The following FERMT2 variants were observed in gnomAD, a reference collection of about 807,000 sequenced individuals.
FERMT2 encodes the protein FERM domain containing kindlin 2.
A neutral mutation model predicts 82.7 loss-of-function variants in FERMT2; 15 were observed. That is an observed-to-expected ratio of 0.18 (90% confidence interval 0.12 to 0.28). The LOEUF is 0.28. Among genes scored for constraint, FERMT2 ranks in the 10% least tolerant of loss-of-function variants. The pLI is 1.00. For missense variants in FERMT2, 645 were observed against 809.4 expected (o/e 0.80, Z 2.46); for synonymous variants, 274 against 271.5 (o/e 1.01, Z -0.09).
intron 10 of FERMT2, among the ~76,000 whole-genome samples, chr14:52,870,543 C>T (rs1360215704): frequency 6.6e-6 from 1 of 152,192 alleles, no homozygotes; most frequent in African/African-American, 2.4e-5. Flanking sequence ...CCACCGCGCC[C>T]AGCCAAGTTG....
chr14:52,928,878 T>C (rs112410848), intron 2 of FERMT2, among the ~76,000 whole-genome samples: 3 of 152,220 alleles, frequency 2.0e-5, no homozygotes, highest in African/African-American at 7.2e-5. Context: ...TTCCTGTCTA[T>C]CTAAAGCCAA....
chr14:52,924,374 T>C (rs1267466325), intron 2 of FERMT2, among the ~76,000 whole-genome samples: 3 of 152,036 alleles, frequency 2.0e-5, no homozygotes, highest in East Asian at 1.9e-4. Flanking sequence ...TACTGATGCC[T>C]GGCCCCACCC....
chr14:52,920,935 G>A (rs1051311777), intron 2 of FERMT2, among the ~76,000 whole-genome samples: 10 of 150,182 alleles, frequency 6.7e-5, no homozygotes, highest in Admixed American at 2.7e-4. Context: ...GTGACAGAGC[G>A]AGATCCTACC....
At chr14:52,944,482 T>C (rs1470762671) in intron 2 of FERMT2, among the ~76,000 whole-genome samples, 1 of 152,206 alleles carries the variant, frequency 6.6e-6, no homozygotes, top group African/African-American at 2.4e-5. Flanking sequence ...AAGGGAGCTG[T>C]CCAGTTACGT....
At chr14:52,870,667 C>G (rs758121735) in intron 10 of FERMT2, among the ~76,000 whole-genome samples, 1 of 152,174 alleles carries the variant, frequency 6.6e-6, no homozygotes, top group African/African-American at 2.4e-5. Flanking sequence ...TAGGAGCAAT[C>G]GGCTATACCA....
chr14:52,875,234 A>C lies in FERMT2; in HGVS notation c.1087T>G (p.Ser363Ala), dbSNP rs773829108. The C allele has an allele frequency of 1.1e-5, 17 of 1,598,840 alleles. No individual in the cohort carries two copies. The Admixed American group carries it at 3.1e-4, about 29-fold the overall frequency. ...LEITLEGGKT[S>A]TILGDITSIP... Reference sequence around the variant, plus strand: ...AAGATTCACCCTACCAAAATTGTTGACGTTTTACCCCCTTCCAGAGTAATC... The same window carrying C: ...AAGATTCACCCTACCAAAATTGTTGCCGTTTTACCCCCTTCCAGAGTAATC... The change falls in exon 8 of 15, where the codon TCA becomes GCA. Residue 363 changes from serine (S) to alanine (A), a missense_variant. Transcript: ENST00000341590.
chr14:52,902,019 G>A (rs1227233283), intron 3 of FERMT2, among the ~76,000 whole-genome samples: 1 of 151,938 alleles, frequency 6.6e-6, no homozygotes, highest in Non-Finnish European at 1.5e-5. Context: ...GCAGACTACA[G>A]AGAACAAAAC....
chr14:52,911,460 G>C (rs992371310), intron 3 of FERMT2, among the ~76,000 whole-genome samples: 3 of 151,922 alleles, frequency 2.0e-5, no homozygotes, highest in African/African-American at 7.3e-5. Context: ...TACCATCCTG[G>C]CTAACATGGT....
intron 8 of FERMT2, 104 bp from the exon 9 acceptor site, chr14:52,874,330 CATAAA>C: frequency 1.7e-6 from 1 of 581,800 alleles, no homozygotes; most frequent in South Asian, 3.2e-5. Flanking sequence ...AACAGAATGA[CATAAA>C]ATACAATGAT....
chr14:52,927,592 TAAAAAAAAAAAA>T lies in FERMT2; in HGVS notation c.158-8248_158-8237del, dbSNP rs71125150. 5.6e-4 allele frequency among the ~76,000 whole-genome samples: 19 copies of T among 33,722 alleles called. No homozygotes were observed. In the East Asian group the frequency reaches 7.3e-3, roughly 13 times the overall value. The allele number at this position is 33,722 out of a possible 152,430, so 22.1% of individuals were successfully genotyped here. On this transcript the variant is annotated intron_variant, in intron 2 of 14. Coordinates refer to ENST00000341590, the MANE Select transcript of FERMT2 (RefSeq NM_006832.3). ...GCAACATAGCAAAACCTCATCCCTA[TAAAAAAAAAAAA>T]AAAAAAAAAAAAAAAAAAATCCAGG... is the stretch of plus-strand genomic sequence containing the variant.
intron 2 of FERMT2, among the ~76,000 whole-genome samples, chr14:52,928,718 T>C (rs531321349): frequency 1.7e-3 from 252 of 152,256 alleles, no homozygotes; most frequent in Middle Eastern, 3.4e-3. Flanking sequence ...TCCTCCTCCT[T>C]CTCAGTAGAC....
chr14:52,860,330 G>C lies in FERMT2; in HGVS notation c.1727+11C>G, dbSNP rs764302852. 1 of 1,612,960 alleles carries C rather than the reference G, an allele frequency of 6.2e-7. No homozygotes were observed. Among genetic ancestry groups the C allele is most frequent in the Admixed American group, 1.7e-5 (1 of 59,770 alleles). Reference sequence around the variant, plus strand: ...ATTAAGGTTTACACATAGATGCTTAGAACCACTGACCTTGCAATGAAGTGA... The same window carrying C: ...ATTAAGGTTTACACATAGATGCTTACAACCACTGACCTTGCAATGAAGTGA... On this transcript the variant is annotated intron_variant, in intron 13 of 14. Transcript: ENST00000341590.
At chr14:52,923,383 C>T (rs1889072944) in intron 2 of FERMT2, among the ~76,000 whole-genome samples, 1 of 151,668 alleles carries the variant, frequency 6.6e-6, no homozygotes, top group South Asian at 2.1e-4. Flanking sequence ...CCCAAAAGCC[C>T]AAAATACCTA....
chr14:52,907,037 G>A (rs1323876838), intron 3 of FERMT2, among the ~76,000 whole-genome samples: 1 of 150,084 alleles, frequency 6.7e-6, no homozygotes. Context: ...TTTTGAGACA[G>A]GGTCTCCCTC....
At chr14:52,861,074 A>G in intron 12 of FERMT2, 1 of 1,487,588 alleles carries the variant, frequency 6.7e-7, no homozygotes, top group Non-Finnish European at 8.9e-7. Context: ...GGAAGCAGAA[A>G]GAAAAAAAAA....
At chr14:52,875,547 A>C (rs61675918) in intron 7 of FERMT2, among the ~76,000 whole-genome samples, 190 bp from the exon 8 acceptor site, 1,864 of 152,290 alleles carry the variant, frequency 0.012, 36 homozygotes, top group African/African-American at 0.042. Context: ...TACTTATCCA[A>C]AAGAAGTAGG....
At chr14:52,939,388 A>C (rs1360032535) in intron 2 of FERMT2, among the ~76,000 whole-genome samples, 4 of 151,354 alleles carry the variant, frequency 2.6e-5, no homozygotes, top group Admixed American at 6.6e-5. Flanking sequence ...AAAAAAAAAA[A>C]AACAAAGAAC....
intron 4 of FERMT2, among the ~76,000 whole-genome samples, chr14:52,890,513 G>A (rs1018343666): frequency 6.6e-6 from 1 of 151,168 alleles, no homozygotes; most frequent in Non-Finnish European, 1.5e-5. Context: ...AGTCATATAT[G>A]TGATCTGTTA....
At chr14:52,935,061 G>A (rs1019216308) in intron 2 of FERMT2, among the ~76,000 whole-genome samples, 2 of 152,154 alleles carry the variant, frequency 1.3e-5, no homozygotes, top group Non-Finnish European at 2.9e-5. Flanking sequence ...AATGTATAAA[G>A]TTAAAAGATA....
Sources: gnomAD v4.1 joint callset for allele counts (sites outside exome capture counted in the v4.1 genomes callset) on GRCh38, gnomAD v4.1.1 for gene constraint, MANE v1.5 for transcripts, NCBI Gene and HGNC (gene_info 2026-07-23, HGNC 2026-07-21) for gene names.